The following SERTAD2 variants were observed in gnomAD, a reference collection of about 807,000 sequenced individuals.
SERTAD2 encodes SERTA domain containing 2.
Under a neutral mutation model 15.4 loss-of-function variants are expected in SERTAD2, and 2 were observed. The observed-to-expected ratio is 0.13, with a 90% CI of 0.05 to 0.41. The LOEUF (loss-of-function observed/expected upper bound fraction) is 0.41, where lower values mean the gene tolerates loss of function less well. Among genes scored for constraint, SERTAD2 ranks in the 10% least tolerant of loss-of-function variants. SERTAD2 has a pLI of 0.99. For synonymous variants in SERTAD2, 180 were observed against 178.0 expected, an observed-to-expected ratio of 1.01 and a Z score of -0.09; for missense variants, 333 against 409.7, an observed-to-expected ratio of 0.81 and a Z score of 1.62.
chr2:64,643,779 T>C (rs953265738), intron 1 of SERTAD2, among the ~76,000 whole-genome samples: 1 of 152,070 alleles, frequency 6.6e-6, no homozygotes, highest in South Asian at 2.1e-4. Flanking sequence ...GGCAGGAGAA[T>C]GGCGTGAACC....
At chr2:64,638,541 AC>A (rs1674708252) in intron 1 of SERTAD2, among the ~76,000 whole-genome samples, 1 of 152,210 alleles carries the variant, frequency 6.6e-6, no homozygotes, top group Non-Finnish European at 1.5e-5. Context: ...ACTTGGGGTA[AC>A]CGTCTTACCT....
chr2:64,648,235 C>A (rs1036831613), intron 1 of SERTAD2, among the ~76,000 whole-genome samples: 1 of 152,116 alleles, frequency 6.6e-6, no homozygotes, highest in Non-Finnish European at 1.5e-5. Flanking sequence ...ATGTAAGTAA[C>A]CTACATGTTC....
chr2:64,648,508 G>C (rs1396984512), intron 1 of SERTAD2, among the ~76,000 whole-genome samples: 1 of 152,098 alleles, frequency 6.6e-6, no homozygotes, highest in Non-Finnish European at 1.5e-5. Context: ...GATAATGAAT[G>C]GCTCATTGAA....
intron 1 of SERTAD2, among the ~76,000 whole-genome samples, chr2:64,650,564 G>A (rs1323827257): frequency 6.6e-6 from 1 of 152,140 alleles, no homozygotes. Context: ...TCTGCACACA[G>A]GGCATAAGTT....
At chr2:64,652,079 T>A (rs1050312258) in intron 1 of SERTAD2, among the ~76,000 whole-genome samples, 2 of 150,838 alleles carry the variant, frequency 1.3e-5, no homozygotes, top group Non-Finnish European at 2.9e-5. Context: ...AAGAAGTCAA[T>A]GAAGCTAAAG....
chr2:64,639,766 A>T (rs1674731359), intron 1 of SERTAD2, among the ~76,000 whole-genome samples: 2 of 152,392 alleles, frequency 1.3e-5, no homozygotes, highest in African/African-American at 2.4e-5. Context: ...TAGAATTCCC[A>T]TAGCTGAAAG....
At chr2:64,650,961 T>C (rs1178276656) in intron 1 of SERTAD2, among the ~76,000 whole-genome samples, 1 of 152,198 alleles carries the variant, frequency 6.6e-6, no homozygotes, top group African/African-American at 2.4e-5. Context: ...GCTTGCTCTC[T>C]CTCTCACGCA....
Position 64,636,835 on chromosome 2 carries a change from G to C in SERTAD2, c.37C>G (p.His13Asp). The C allele has an allele frequency of 6.2e-7, 1 of 1,613,934 alleles. No homozygotes were observed. Among genetic ancestry groups the C allele is most frequent in the Non-Finnish European group, 8.5e-7 (1 of 1,179,856 alleles). ...GKGGKRKFDEHEDGLEGKIVS... is the reference protein window; with the variant it reads ...GKGGKRKFDEDEDGLEGKIVS... ...ATTTTGCCTTCCAGCCCATCTTCAT[G>C]CTCATCAAACTTCCGTTTTCCTCCT... is the stretch of plus-strand genomic sequence containing the variant. The change falls in exon 2 of 2, where the codon CAT becomes GAT. Residue 13 changes from histidine (H) to aspartate (D), a missense_variant. By Grantham distance (81) the His-to-Asp change is moderately conservative (BLOSUM62 -1). Around this residue, in one of 2 missense-constraint regions of SERTAD2, gnomAD observed 332 missense variants for 392.9 expected, o/e 0.84. Coordinates refer to ENST00000313349, the MANE Select transcript of SERTAD2 (RefSeq NM_014755.3).
chr2:64,636,476 C>T lies in SERTAD2; in HGVS notation c.396G>A (p.Pro132=), dbSNP rs147664988. The T allele has an allele frequency of 1.9e-5, 30 of 1,613,572 alleles. No individual in the cohort carries two copies. The highest frequency in any genetic ancestry group is 4.5e-5 in the East Asian group (2 of 44,858). The change falls in exon 2 of 2, where the codon CCG becomes CCA. Residue 132 remains proline (P), a synonymous_variant. Coordinates refer to ENST00000313349, the MANE Select transcript of SERTAD2 (RefSeq NM_014755.3). ...CATCGTCGTCCTCGAGCAGTGAGGC[C>T]GGGGTGAGGCAGGCCTCCAGGGGCG... ...STTPLEACLT[P]ASLLEDDDDT...
At position 64,631,728 on chromosome 2, in the gene SERTAD2, T is replaced by A. The variant is rs1674538606; in HGVS notation, c.*4199A>T. On this transcript the variant is annotated 3_prime_UTR_variant, in exon 2 of 2. Transcript: ENST00000313349. The stretch of plus-strand genomic sequence containing the variant: ...GTTTAGATTACAGCCCAAACCTACA[T>A]GTGAATACAGCCATCTGGGTTCCGA... 6.6e-6 allele frequency: 1 copy of A among 152,626 alleles called. No homozygotes were observed. The highest frequency in any genetic ancestry group is 6.5e-5 in the Admixed American group (1 of 15,282). The allele number at this position is 152,626 out of a possible 1,614,324, so 9.5% of individuals were successfully genotyped here.
At chr2:64,642,618 T>C (rs1257770326) in intron 1 of SERTAD2, among the ~76,000 whole-genome samples, 3 of 152,204 alleles carry the variant, frequency 2.0e-5, no homozygotes, top group Admixed American at 1.3e-4. Flanking sequence ...ACCACTTCTG[T>C]CATCCTACCA....
intron 1 of SERTAD2, among the ~76,000 whole-genome samples, chr2:64,642,757 C>G (rs928190227): frequency 1.3e-5 from 2 of 152,126 alleles, no homozygotes; most frequent in Non-Finnish European, 2.9e-5. Context: ...TGTAGGAGGC[C>G]GCACAGGGAG....
Position 64,653,822 on chromosome 2 carries a change from C to A in SERTAD2, c.-207G>T, listed in dbSNP as rs564344530. The A allele has an allele frequency of 6.5e-6, 1 of 152,930 alleles. No individual in the cohort carries two copies. Among genetic ancestry groups the A allele is most frequent in the African/African-American group, 2.4e-5 (1 of 41,258 alleles). The allele number at this position is 152,930 out of a possible 1,614,324, so 9.5% of individuals were successfully genotyped here. A position where few individuals can be genotyped will look rare whatever the true frequency, so the allele number is the denominator to read the frequency against. The stretch of plus-strand genomic sequence containing the variant: ...TATACAATGGTGGAGGCGGCGGCGG[C>A]AGGCAGCGGAGGAGGAAGCAGGAGG... On this transcript the variant is annotated 5_prime_UTR_variant, in exon 1 of 2. Transcript: ENST00000313349.
chr2:64,651,149 T>G (rs981361961), intron 1 of SERTAD2, among the ~76,000 whole-genome samples: 2 of 152,256 alleles, frequency 1.3e-5, no homozygotes, highest in Non-Finnish European at 2.9e-5. Flanking sequence ...TGGTCTTGAT[T>G]CTGTTGATAT....
chr2:64,648,849 A>T (rs1431067433), intron 1 of SERTAD2, among the ~76,000 whole-genome samples: 2 of 152,154 alleles, frequency 1.3e-5, no homozygotes, highest in African/African-American at 4.8e-5. Context: ...CTATTTAAAA[A>T]AATTAGTTTG....
At chr2:64,650,411 C>T (rs1264428340) in intron 1 of SERTAD2, among the ~76,000 whole-genome samples, 2 of 151,534 alleles carry the variant, frequency 1.3e-5, no homozygotes, top group East Asian at 3.9e-4. Flanking sequence ...ATAGGAATGT[C>T]GTCTTATTGG....
At chr2:64,643,960 TGGTTG>T (rs1674839211) in intron 1 of SERTAD2, among the ~76,000 whole-genome samples, 1 of 152,156 alleles carries the variant, frequency 6.6e-6, no homozygotes, top group Non-Finnish European at 1.5e-5. Context: ...GTGTGACCAC[TGGTTG>T]CTGACAAGTC....
chr2:64,639,652 C>A (rs907827902), intron 1 of SERTAD2, among the ~76,000 whole-genome samples: 2 of 152,194 alleles, frequency 1.3e-5, no homozygotes, highest in Non-Finnish European at 2.9e-5. Flanking sequence ...GAACAAACAA[C>A]AGGGCTTTTT....
intron 1 of SERTAD2, among the ~76,000 whole-genome samples, chr2:64,637,333 A>G (rs1674682610): frequency 6.6e-6 from 1 of 152,236 alleles, no homozygotes; most frequent in African/African-American, 2.4e-5. Context: ...CAGCTTGAGC[A>G]CTTCTTAAAG....
Sources: allele counts gnomAD v4.1 joint callset (sites outside exome capture counted in the v4.1 genomes callset), GRCh38; gene constraint gnomAD v4.1.1; regional missense constraint gnomAD v4.1.1; transcripts MANE v1.5; gene names NCBI Gene and HGNC (gene_info 2026-07-23, HGNC 2026-07-21).